Variants in TMEM135 observed in about 807,000 individuals in gnomAD.
The protein encoded by TMEM135 is transmembrane protein 135.
Under a neutral mutation model 60.3 loss-of-function variants are expected in TMEM135, and 30 were observed. The observed-to-expected ratio is 0.50, with a 90% CI of 0.37 to 0.68. The LOEUF (loss-of-function observed/expected upper bound fraction) is 0.68, where lower values mean the gene tolerates loss of function less well. TMEM135 is among the 30% of genes least tolerant of loss of function. The pLI is 0.00. For missense variants in TMEM135, 468 were observed against 548.8 expected, an observed-to-expected ratio of 0.85 and a Z score of 1.47; for synonymous variants, 190 against 186.7, an observed-to-expected ratio of 1.02 and a Z score of -0.14.
chr11:87,257,376 G>A (rs11235047), intron 6 of TMEM135, among the ~76,000 whole-genome samples: 3 of 151,794 alleles, frequency 2.0e-5, no homozygotes, highest in South Asian at 2.1e-4. Context: ...GTTCTGTGTC[G>A]GAGGTAATCA....
At chr11:87,101,988 AAAG>A (rs1305024897) in intron 4 of TMEM135, among the ~76,000 whole-genome samples, 1 of 152,174 alleles carries the variant, frequency 6.6e-6, no homozygotes, top group African/African-American at 2.4e-5. Context: ...AAAAAAAACA[AAAG>A]AAGAAGAAAA....
At chr11:87,227,655 T>C (rs1442462304) in intron 5 of TMEM135, among the ~76,000 whole-genome samples, 1 of 152,170 alleles carries the variant, frequency 6.6e-6, no homozygotes, top group Non-Finnish European at 1.5e-5. Flanking sequence ...TTTAGGATAG[T>C]GTTGCTTAAA....
intron 4 of TMEM135, among the ~76,000 whole-genome samples, chr11:87,138,265 A>G (rs1399418151): frequency 6.6e-6 from 1 of 151,614 alleles, no homozygotes; most frequent in African/African-American, 2.4e-5. Flanking sequence ...TAATTTTTGT[A>G]TTTTTAATAG....
chr11:87,151,404 G>A (rs1046927444), intron 4 of TMEM135, among the ~76,000 whole-genome samples: 4 of 152,012 alleles, frequency 2.6e-5, no homozygotes. Flanking sequence ...TGCAGTGGAT[G>A]TGTTTTTGTG....
intron 6 of TMEM135, among the ~76,000 whole-genome samples, chr11:87,260,655 C>T (rs780336722): frequency 6.6e-6 from 1 of 151,646 alleles, no homozygotes; most frequent in Non-Finnish European, 1.5e-5. Flanking sequence ...AGAAATAGGC[C>T]TAATAAAATA....
chr11:87,182,600 A>G (rs1939545849), intron 5 of TMEM135, among the ~76,000 whole-genome samples: 1 of 152,104 alleles, frequency 6.6e-6, no homozygotes, highest in South Asian at 2.1e-4. Flanking sequence ...ATTGACCTTA[A>G]TGTTAATATT....
intron 6 of TMEM135, among the ~76,000 whole-genome samples, chr11:87,289,940 T>C (rs1216386008): frequency 6.6e-6 from 1 of 152,214 alleles, no homozygotes; most frequent in Admixed American, 6.5e-5. Context: ...AGTCCATCCA[T>C]GTTGCTGCAA....
At chr11:87,165,342 T>A (rs1309257318) in intron 5 of TMEM135, among the ~76,000 whole-genome samples, 3 of 123,954 alleles carry the variant, frequency 2.4e-5, no homozygotes, top group Non-Finnish European at 5.0e-5. Flanking sequence ...TGGATTACAT[T>A]TATTGATTTG....
chr11:87,161,350 G>A (rs1257670449), intron 5 of TMEM135, among the ~76,000 whole-genome samples: 1 of 152,162 alleles, frequency 6.6e-6, no homozygotes, highest in African/African-American at 2.4e-5. Flanking sequence ...ACAGAAAGAT[G>A]TAGTTCTGTC....
At chr11:87,283,541 A>G (rs932073522) in intron 6 of TMEM135, among the ~76,000 whole-genome samples, 5 of 152,188 alleles carry the variant, frequency 3.3e-5, no homozygotes, top group Admixed American at 6.5e-5. Context: ...TTTTACTGAC[A>G]TATATGCCAA....
At chr11:87,301,595 C>G (rs1463997743) in intron 7 of TMEM135, among the ~76,000 whole-genome samples, 1 of 152,020 alleles carries the variant, frequency 6.6e-6, no homozygotes. Flanking sequence ...CCCGTTCTAT[C>G]TGTATTTTAC....
chr11:87,082,543 C>T (rs543681977), intron 3 of TMEM135, among the ~76,000 whole-genome samples: 7 of 152,024 alleles, frequency 4.6e-5, no homozygotes, highest in African/African-American at 1.7e-4. Flanking sequence ...AGCCAGCAGG[C>T]AGCTGGAAAT....
At chr11:87,305,885 A>T in intron 8 of TMEM135, 51 bp from the exon 9 acceptor site, 1 of 1,391,132 alleles carries the variant, frequency 7.2e-7, no homozygotes, top group Non-Finnish European at 1.0e-6. Flanking sequence ...AAACACATGG[A>T]TATACACACT....
intron 1 of TMEM135, among the ~76,000 whole-genome samples, chr11:87,063,042 A>T (rs1374603704): frequency 6.6e-6 from 1 of 152,182 alleles, no homozygotes; most frequent in Non-Finnish European, 1.5e-5. Context: ...AATATTATAA[A>T]TTGTAACATA....
chr11:87,081,506 CT>C (rs1350469894), intron 3 of TMEM135, among the ~76,000 whole-genome samples: 1 of 152,014 alleles, frequency 6.6e-6, no homozygotes, highest in Admixed American at 6.6e-5. Context: ...TGTTTTTTCT[CT>C]TTCTTTGAAC....
chr11:87,266,396 G>T (rs1386378509), intron 6 of TMEM135, among the ~76,000 whole-genome samples: 1 of 152,044 alleles, frequency 6.6e-6, no homozygotes, highest in Non-Finnish European at 1.5e-5. Context: ...AGTCGTATTT[G>T]TCTTCAAAAT....
chr11:87,038,336 G>C, intron 1 of TMEM135, 150 bp downstream of exon 1: 32 of 434,734 alleles, frequency 7.4e-5, no homozygotes, highest in East Asian at 1.4e-4. Context: ...TCGGTAGGGG[G>C]AAGGGGGAGG....
At chr11:87,250,214 C>G (rs948548324) in intron 6 of TMEM135, among the ~76,000 whole-genome samples, 3 of 152,046 alleles carry the variant, frequency 2.0e-5, no homozygotes, top group Admixed American at 6.6e-5. Flanking sequence ...GTTATTCTGG[C>G]TAAAGTTTTG....
At chr11:87,101,003 A>G (rs1174198393) in intron 4 of TMEM135, among the ~76,000 whole-genome samples, 1 of 152,232 alleles carries the variant, frequency 6.6e-6, no homozygotes, top group African/African-American at 2.4e-5. Flanking sequence ...ATTAATACCC[A>G]TCTGAAAATG....
Sources: allele counts gnomAD v4.1 joint callset (sites outside exome capture counted in the v4.1 genomes callset), GRCh38; gene constraint gnomAD v4.1.1; transcripts MANE v1.5; gene names NCBI Gene and HGNC (gene_info 2026-07-23, HGNC 2026-07-21).